Variants in PPP2R5B observed in about 807,000 individuals in gnomAD.
PPP2R5B encodes the protein protein phosphatase 2 regulatory subunit B'beta.
PPP2R5B carries 19 observed loss-of-function variants against 59.9 expected under a neutral mutation model. The observed-to-expected ratio is 0.32, with a 90% confidence interval of 0.22 to 0.47. The LOEUF (loss-of-function observed/expected upper bound fraction) is 0.47. Among genes scored for constraint, PPP2R5B ranks in the 20% least tolerant of loss-of-function variants. PPP2R5B has a pLI of 1.00. For missense variants in PPP2R5B, 441 were observed against 640.2 expected (o/e 0.69, Z 3.36); for synonymous variants, 286 against 260.5 (o/e 1.10, Z -0.94).
At chr11:64,920,545 G>A (rs1485445933), upstream of PPP2R5B, among the ~76,000 whole-genome samples, 1 of 152,054 alleles carries the variant, frequency 6.6e-6, no homozygotes, top group Non-Finnish European at 1.5e-5. Context: ...TAAAGGGGAC[G>A]ATATTCTCTT....
Position 64,928,325 on chromosome 11 carries a change from C to G in PPP2R5B, c.622C>G (p.Arg208Gly), listed in dbSNP as rs1315189653. The G allele has an allele frequency of 6.2e-7, 1 of 1,614,126 alleles. No homozygotes were observed. The highest frequency in any genetic ancestry group is 1.7e-5 in the Admixed American group (1 of 60,020). Residue 208 changes from arginine to glycine, a missense_variant, in exon 6 of 14, where the codon CGG becomes GGG. Arg to Gly is a moderately radical substitution (Grantham distance 125). This residue lies in a region of PPP2R5B where 268 missense variants were observed against 488.1 expected (regional missense o/e 0.55). Coordinates refer to ENST00000164133, the MANE Select transcript of PPP2R5B (RefSeq NM_006244.4). ...GGAGCTATTTGATAGTGAGGATCCC[C>G]GGGAGCGTGAGTACCTCAAGACCAT... ...LLELFDSEDP[R>G]EREYLKTILH...
In PPP2R5B at chr11:64,926,817, T is replaced by A. The variant is rs1361584692; in HGVS notation, c.305T>A (p.Val102Glu). Residue 102 changes from valine to glutamate, a missense_variant, in exon 3 of 14, where the codon GTG becomes GAG. Val to Glu is a moderately radical substitution (Grantham distance 121, BLOSUM62 -2). This residue lies in a region of PPP2R5B where 268 missense variants were observed against 488.1 expected (regional missense o/e 0.55). Transcript: ENST00000164133. ...GTGGCCGACCTCAAGGGGAAGGAGG[T>A]GAAGCGGGCAGCCCTCAACGAGCTG... The part of the protein sequence containing the change: ...DCVADLKGKE[V>E]KRAALNELVE... 1 of 1,613,900 alleles carries A rather than the reference T, an allele frequency of 6.2e-7. No individual in the cohort carries two copies. Among genetic ancestry groups the A allele is most frequent in the Non-Finnish European group, 8.5e-7 (1 of 1,179,972 alleles).
intron 6 of PPP2R5B, among the ~76,000 whole-genome samples, 176 bp from the exon 7 acceptor site, chr11:64,930,146 G>T (rs542862348): frequency 1.2e-4 from 18 of 152,110 alleles, no homozygotes; most frequent in African/African-American, 4.1e-4. Context: ...TTCAGTGTGG[G>T]GGGGCGGGGA....
rs567275590 is a variant in PPP2R5B at position 64,931,275 on chromosome 11, T to C, written c.892-161T>C. Among the ~76,000 whole-genome samples, 1 of 152,302 alleles carries C rather than the reference T, an allele frequency of 6.6e-6. No homozygotes were observed. Among genetic ancestry groups the C allele is most frequent in the South Asian group, 2.1e-4 (1 of 4,826 alleles). On this transcript the variant is annotated intron_variant, in intron 8 of 13. Transcript: ENST00000164133. The surrounding 1 kb of genome is among the most constrained non-coding windows in gnomAD (Gnocchi z 5.0). ...AGTTGTATTCCCAGCACACTGAATG[T>C]GATGCCTGGTACATCCTAGGCAGGT...
chr11:64,933,368 C>A, intron 13 of PPP2R5B, 122 bp downstream of exon 13: 1 of 841,244 alleles, frequency 1.2e-6, no homozygotes, highest in Non-Finnish European at 1.9e-6. Context: ...CAAGACTGTC[C>A]ATGCTCCTGC....
At position 64,928,292 on chromosome 11, in the gene PPP2R5B, C is replaced by T. The variant is rs1945190282; in HGVS notation, c.592-3C>T. 1 of 1,613,614 alleles carries T rather than the reference C, an allele frequency of 6.2e-7. No homozygotes were observed. The highest frequency in any genetic ancestry group is 8.5e-7 in the Non-Finnish European group (1 of 1,179,718). On this transcript the variant is annotated splice_region_variant and splice_polypyrimidine_tract_variant and intron_variant, in intron 5 of 13. Coordinates refer to ENST00000164133, the MANE Select transcript of PPP2R5B (RefSeq NM_006244.4). ...ACCCTGACCCTGACTCTGGTTCCCA[C>T]AGCTCCTGGAGCTATTTGATAGTGA...
chr11:64,926,944 G>C lies in PPP2R5B; in HGVS notation c.396+36G>C, dbSNP rs766079393. The C allele has an allele frequency of 8.8e-6, 14 of 1,598,852 alleles. No individual in the cohort carries two copies. In the East Asian group the frequency reaches 3.2e-4, roughly 36 times the overall value. ...GCCACCCAGGCTCCGAGGGCCGGCC[G>C]AGAGGGCGTGTGAGCCCCGTTTCCT... On this transcript the variant is annotated intron_variant, in intron 3 of 13. Coordinates refer to ENST00000164133, the MANE Select transcript of PPP2R5B (RefSeq NM_006244.4).
chr11:64,920,661 G>A (rs1485292298), upstream of PPP2R5B, among the ~76,000 whole-genome samples: 5 of 138,028 alleles, frequency 3.6e-5, no homozygotes, highest in East Asian at 2.1e-4. Context: ...ACGGAGTCTC[G>A]CTCTGTCTCC....
chr11:64,934,357 G>A lies in PPP2R5B; in HGVS notation c.*513G>A. On this transcript the variant is annotated 3_prime_UTR_variant, in exon 14 of 14. Coordinates refer to ENST00000164133, the MANE Select transcript of PPP2R5B (RefSeq NM_006244.4). ...CTTTTTATTTATTGGGCAGGGGGAGGGGGAGGGCACAGGCAAGAAGAGATT... is the reference window on the plus strand; with the variant it reads ...CTTTTTATTTATTGGGCAGGGGGAGAGGGAGGGCACAGGCAAGAAGAGATT... The A allele has an allele frequency of 3.7e-6, 1 of 273,074 alleles. No homozygotes were observed. The highest frequency in any genetic ancestry group is 7.0e-6 in the Non-Finnish European group (1 of 143,044). The allele number at this position is 273,074 out of a possible 1,614,324, so 16.9% of individuals were successfully genotyped here. A position where few individuals can be genotyped will look rare whatever the true frequency, so the allele number is the denominator to read the frequency against.
At position 64,924,879 on chromosome 11, in the gene PPP2R5B, G is replaced by GCC. The variant is rs542076719; in HGVS notation, c.-408_-407dup. ...GCTGAGTTGGGGGCATGCTCTAGCC[G>GCC]CCCCCCCGGAGCCCGGGAGAGAACC... is the stretch of plus-strand genomic sequence containing the variant. On this transcript the variant is annotated 5_prime_UTR_variant, in exon 1 of 14. Transcript: ENST00000164133. 1.2e-4 allele frequency: 18 copies of GCC among 152,284 alleles called. No homozygotes were observed. The highest frequency in any genetic ancestry group is 4.1e-4 in the African/African-American group (17 of 41,430). 9.4% of individuals were successfully genotyped at this position (152,284 alleles called of 1,614,324 possible).
Position 64,926,836 on chromosome 11 carries a change from C to T in PPP2R5B, c.324C>T (p.Asn108=), listed in dbSNP as rs570547041. The stretch of plus-strand genomic sequence containing the variant: ...AGGAGGTGAAGCGGGCAGCCCTCAA[C>T]GAGCTGGTGGAGTGTGTGGGGAGCA... ...KGKEVKRAAL[N]ELVECVGSTR... The change falls in exon 3 of 14, where the codon AAC becomes AAT. Residue 108 remains asparagine, a synonymous_variant. Coordinates refer to ENST00000164133, the MANE Select transcript of PPP2R5B (RefSeq NM_006244.4). The T allele has an allele frequency of 2.0e-5, 33 of 1,614,182 alleles. No individual in the cohort carries two copies. Among genetic ancestry groups the T allele is most frequent in the Admixed American group, 8.3e-5 (5 of 60,024 alleles).
chr11:64,926,596 G>C, intron 2 of PPP2R5B, 116 bp from the exon 3 acceptor site: 1 of 1,102,436 alleles, frequency 9.1e-7, no homozygotes, highest in Non-Finnish European at 1.3e-6. Flanking sequence ...TGGCACAAGA[G>C]CATGGGGCCT....
intron 13 of PPP2R5B, among the ~76,000 whole-genome samples, 193 bp from the exon 14 acceptor site, chr11:64,933,504 T>C (rs10488702): frequency 0.05 from 7,609 of 152,306 alleles, 218 homozygotes; most frequent in Middle Eastern, 0.065. Flanking sequence ...TCATCTTCTC[T>C]GTGACTGCAG....
intron 6 of PPP2R5B, 21 bp downstream of exon 6, chr11:64,928,446 C>T (rs1304287782): frequency 1.9e-6 from 3 of 1,613,962 alleles, no homozygotes; most frequent in Non-Finnish European, 2.5e-6. Context: ...GCTGCCTGCC[C>T]AGCAGAGACC....
chr11:64,924,591 G>A (rs1474267856), upstream of PPP2R5B: 1 of 152,288 alleles, frequency 6.6e-6, no homozygotes, highest in Non-Finnish European at 1.5e-5. Flanking sequence ...ACTTTAAACG[G>A]CGCGGGGACT....
At chr11:64,924,643 C>T (rs1219838718), upstream of PPP2R5B, 1 of 152,354 alleles carries the variant, frequency 6.6e-6, no homozygotes, top group Non-Finnish European at 1.5e-5. Flanking sequence ...GCAGCCCCCC[C>T]TTTCAGCCCG....
chr11:64,918,205 G>A (rs1945062173), intron 1 of PPP2R5B: 1 of 152,196 alleles, frequency 6.6e-6, no homozygotes, highest in Non-Finnish European at 1.5e-5. Context: ...TACAAGAGCA[G>A]AATTCAGTAC....
At chr11:64,933,111 T>A (rs1284769063) in intron 12 of PPP2R5B, 34 bp from the exon 13 acceptor site, 2 of 1,568,266 alleles carry the variant, frequency 1.3e-6, no homozygotes, top group Non-Finnish European at 1.8e-6. Context: ...ACCAAAGCTG[T>A]TTCATCTCCT....
upstream of PPP2R5B, among the ~76,000 whole-genome samples, chr11:64,921,572 T>TAA (rs2085480079): frequency 6.6e-5 from 10 of 152,144 alleles, no homozygotes; most frequent in Non-Finnish European, 1.0e-4. Flanking sequence ...GGGCTGCGGC[T>TAA]TTTGACTCTG....
Sources: allele counts gnomAD v4.1 joint callset (sites outside exome capture counted in the v4.1 genomes callset), GRCh38; gene constraint gnomAD v4.1.1; regional missense constraint gnomAD v4.1.1; non-coding constraint Gnocchi (gnomAD v3.1); transcripts MANE v1.5; gene names NCBI Gene and HGNC (gene_info 2026-07-23, HGNC 2026-07-21).